Variants in AGBL1 observed in about 807,000 individuals in gnomAD.
AGBL1 encodes the protein cytosolic carboxypeptidase 4.
AGBL1 carries 130 observed loss-of-function variants against 118.9 expected under a neutral mutation model. The observed-to-expected ratio is 1.09, with a 90% confidence interval of 0.95 to 1.26. The LOEUF (loss-of-function observed/expected upper bound fraction) is 1.26. Among genes scored for constraint, AGBL1 ranks in the 50% most tolerant of loss-of-function variants. The pLI, the probability that AGBL1 is intolerant of heterozygous loss-of-function variation, is 0.00. For synonymous variants in AGBL1, 555 were observed against 478.9 expected (o/e 1.16, Z -2.08); for missense variants, 1,584 against 1,298.1 (o/e 1.22, Z -3.38).
intron 18 of AGBL1, among the ~76,000 whole-genome samples, chr15:86,407,323 G>T (rs1567240980): frequency 6.6e-6 from 1 of 152,114 alleles, no homozygotes; most frequent in Non-Finnish European, 1.5e-5. Context: ...ATTAAACTCA[G>T]GTTCATCTGT....
intron 22 of AGBL1, among the ~76,000 whole-genome samples, chr15:86,805,503 G>GT (rs949244610): frequency 3.9e-5 from 6 of 152,108 alleles, no homozygotes; most frequent in Non-Finnish European, 5.9e-5. Context: ...ATAAAAATGT[G>GT]TAGGGCTCTG....
intron 5 of AGBL1, among the ~76,000 whole-genome samples, chr15:86,179,622 G>T (rs2077526273): frequency 2.0e-5 from 3 of 151,738 alleles, no homozygotes; most frequent in Admixed American, 2.0e-4. Context: ...AAGACTGAAT[G>T]CTTCCCCAGT....
At position 86,143,002 on chromosome 15, in the gene AGBL1, G is replaced by A. The variant is rs571466702; in HGVS notation, c.116-697G>A. Among the ~76,000 whole-genome samples the A allele has an allele frequency of 2.0e-5, 3 of 152,304 alleles. No individual in the cohort carries two copies. In the South Asian group the frequency reaches 6.2e-4, roughly 32 times the overall value. On this transcript the variant is annotated intron_variant, in intron 2 of 22. Coordinates refer to ENST00000614907, the MANE Select transcript of AGBL1 (RefSeq NM_001386094.1). ...ACCTTGGTTAAGTCAACTTTGCCCCGTACATAGAGAGAATCAACCAAGGCC... is the reference window on the plus strand; with the variant it reads ...ACCTTGGTTAAGTCAACTTTGCCCCATACATAGAGAGAATCAACCAAGGCC...
At chr15:86,155,009 A>T (rs777247539) in intron 4 of AGBL1, among the ~76,000 whole-genome samples, 5 of 152,110 alleles carry the variant, frequency 3.3e-5, no homozygotes, top group Non-Finnish European at 7.4e-5. Context: ...CTTACCATTT[A>T]AAAAAACCCA....
intron 22 of AGBL1, among the ~76,000 whole-genome samples, chr15:86,811,379 G>T (rs1055438134): frequency 6.6e-6 from 1 of 152,206 alleles, no homozygotes; most frequent in Non-Finnish European, 1.5e-5. Context: ...GATAACTGGA[G>T]TAGTAAGATC....
At chr15:86,895,107 T>TTTA (rs2080105976) in intron 22 of AGBL1, among the ~76,000 whole-genome samples, 1 of 151,918 alleles carries the variant, frequency 6.6e-6, no homozygotes, top group African/African-American at 2.4e-5. Flanking sequence ...TTCCCTTTCT[T>TTTA]TTTTCCTTCC....
chr15:86,239,077 C>G (rs2078601039), intron 6 of AGBL1, among the ~76,000 whole-genome samples: 1 of 152,126 alleles, frequency 6.6e-6, no homozygotes, highest in African/African-American at 2.4e-5. Flanking sequence ...TAGAGAAATT[C>G]CTGTGGTTTG....
chr15:86,311,766 A>C (rs1211500082), intron 17 of AGBL1, among the ~76,000 whole-genome samples: 1 of 152,158 alleles, frequency 6.6e-6, no homozygotes, highest in East Asian at 1.9e-4. Flanking sequence ...AAGTTATTCG[A>C]TATACCACAC....
At chr15:86,824,395 T>C (rs2078980128) in intron 22 of AGBL1, among the ~76,000 whole-genome samples, 1 of 152,030 alleles carries the variant, frequency 6.6e-6, no homozygotes, top group South Asian at 2.1e-4. Flanking sequence ...TGTACAAGAA[T>C]GGTATGATTA....
At chr15:86,604,735 T>G (rs1325183787) in intron 21 of AGBL1, among the ~76,000 whole-genome samples, 2 of 151,888 alleles carry the variant, frequency 1.3e-5, no homozygotes, top group Non-Finnish European at 2.9e-5. Context: ...ATATAAATTA[T>G]TATGAATTGC....
At chr15:86,763,474 G>T (rs951311751) in intron 22 of AGBL1, among the ~76,000 whole-genome samples, 5 of 152,002 alleles carry the variant, frequency 3.3e-5, no homozygotes, top group African/African-American at 1.2e-4. Flanking sequence ...CATATTTAAA[G>T]ATGATGGGGA....
intron 22 of AGBL1, among the ~76,000 whole-genome samples, chr15:86,772,657 G>A (rs1447771221): frequency 1.3e-5 from 2 of 151,964 alleles, no homozygotes; most frequent in Non-Finnish European, 2.9e-5. Context: ...GAAATAAGGG[G>A]TCTGAAAATG....
chr15:86,934,276 A>T (rs1236596690), intron 23 of AGBL1, among the ~76,000 whole-genome samples: 1 of 152,184 alleles, frequency 6.6e-6, no homozygotes, highest in Non-Finnish European at 1.5e-5. Flanking sequence ...AGGGGCATCA[A>T]ATGATTTATT....
chr15:86,967,396 T>C (rs1188191978), intron 23 of AGBL1, among the ~76,000 whole-genome samples: 1 of 152,164 alleles, frequency 6.6e-6, no homozygotes, highest in African/African-American at 2.4e-5. Flanking sequence ...CATGAAGTCC[T>C]TGCCCATGCC....
chr15:86,605,591 C>A (rs1041355837), intron 21 of AGBL1, among the ~76,000 whole-genome samples: 8 of 152,126 alleles, frequency 5.3e-5, no homozygotes, highest in Admixed American at 5.2e-4. Flanking sequence ...CTCTGATGTA[C>A]CTGGTTCATT....
intron 21 of AGBL1, among the ~76,000 whole-genome samples, chr15:86,564,687 G>T (rs546561457): frequency 8.1e-4 from 124 of 152,282 alleles, no homozygotes; most frequent in Admixed American, 2.5e-3. Context: ...TGCCTTGCTA[G>T]GTTGGGGAAG....
intron 18 of AGBL1, among the ~76,000 whole-genome samples, chr15:86,459,056 C>T (rs17617336): frequency 0.41 from 62,091 of 151,932 alleles, 13,324 homozygotes; most frequent in Non-Finnish European, 0.48. Context: ...TGCTTGCTTA[C>T]AAATTATAGT....
At chr15:86,523,102 C>A in intron 19 of AGBL1, 163 bp downstream of exon 19, 3 of 796,964 alleles carry the variant, frequency 3.8e-6, no homozygotes, top group Non-Finnish European at 6.2e-6. Flanking sequence ...GCTGCTGTAC[C>A]AAACTGCCAC....
intron 22 of AGBL1, among the ~76,000 whole-genome samples, chr15:86,835,577 A>C (rs1434303269): frequency 6.6e-6 from 1 of 152,178 alleles, no homozygotes; most frequent in Non-Finnish European, 1.5e-5. Flanking sequence ...CAGGTTCAAA[A>C]AAAGGGAGGA....
Sources: gnomAD v4.1 joint callset for allele counts (sites outside exome capture counted in the v4.1 genomes callset) on GRCh38, gnomAD v4.1.1 for gene constraint, MANE v1.5 for transcripts, NCBI Gene and HGNC (gene_info 2026-07-23, HGNC 2026-07-21) for gene names.